Variants in RGS7 observed in about 807,000 individuals in gnomAD.
The protein encoded by RGS7 is regulator of G protein signaling 7.
A neutral mutation model predicts 81.1 loss-of-function variants in RGS7; 27 were observed. That is an observed-to-expected ratio of 0.33 (90% CI 0.25 to 0.46). The LOEUF (loss-of-function observed/expected upper bound fraction) is 0.46, where lower values mean the gene tolerates loss of function less well. RGS7 is among the 20% of genes least tolerant of loss of function. The probability of loss-of-function intolerance (pLI) is 1.00; values close to 1 mark genes in which losing one functional copy is unlikely to be tolerated. For synonymous variants in RGS7, 208 were observed against 207.7 expected, an observed-to-expected ratio of 1.00 and a Z score of -0.01; for missense variants, 396 against 607.4, an observed-to-expected ratio of 0.65 and a Z score of 3.66.
intron 9 of RGS7, among the ~76,000 whole-genome samples, chr1:240,838,680 C>T (rs1695090053): frequency 6.6e-6 from 1 of 152,090 alleles, no homozygotes; most frequent in Admixed American, 6.6e-5. Context: ...CATGCATCCT[C>T]GCATTCTTAC....
chr1:241,291,740 G>A (rs750181040), intron 2 of RGS7, among the ~76,000 whole-genome samples: 6 of 151,670 alleles, frequency 4.0e-5, no homozygotes, highest in Admixed American at 1.3e-4. Flanking sequence ...CACCACGCCC[G>A]GCTTTTTGTA....
rs919874617 is a variant in RGS7, at chr1:240,833,317, T to C, written c.610-6145A>G. 4.6e-5 allele frequency among the ~76,000 whole-genome samples: 7 copies of C among 152,228 alleles called. No homozygotes were observed. In the East Asian group the frequency reaches 1.3e-3, roughly 29 times the overall value. ...GAATGGGATAGACGAGATTTCATCA[T>C]GCTACTCAGAATGGCACGAAATTAC... On this transcript the variant is annotated intron_variant, in intron 9 of 18. Coordinates refer to ENST00000440928, the MANE Select transcript of RGS7 (RefSeq NM_001364886.1).
rs907577272 is a variant in RGS7, at chr1:240,998,840, G to A, written c.176-15711C>T. The A allele has an allele frequency of 2.9e-5, 16 of 545,334 alleles. No homozygotes were observed. The East Asian group carries it at 4.4e-4, about 15-fold the overall frequency. 33.8% of individuals were successfully genotyped at this position (545,334 alleles called of 1,614,324 possible). A position where few individuals can be genotyped will look rare whatever the true frequency, so the allele number is the denominator to read the frequency against. On this transcript the variant is annotated intron_variant, in intron 3 of 18. Transcript: ENST00000440928. ...TGGCGCTGCCGGACGCGGATGGACC[G>A]AGCACCTTGGTGGCAGCTGAGGAAA...
intron 2 of RGS7, among the ~76,000 whole-genome samples, chr1:241,223,840 C>T (rs764356149): frequency 3.3e-5 from 5 of 151,646 alleles, no homozygotes; most frequent in African/African-American, 1.2e-4. Context: ...GTATAAAACA[C>T]TGAGTATTTT....
At chr1:241,065,125 G>T (rs1465052724) in intron 3 of RGS7, among the ~76,000 whole-genome samples, 1 of 151,796 alleles carries the variant, frequency 6.6e-6, no homozygotes, top group African/African-American at 2.4e-5. Flanking sequence ...TTGTCTGTGT[G>T]AGTCTTGATT....
At chr1:241,104,536 G>A (rs574587865) in intron 2 of RGS7, among the ~76,000 whole-genome samples, 4 of 152,256 alleles carry the variant, frequency 2.6e-5, no homozygotes, top group South Asian at 2.1e-4. Context: ...AAATGAAAAC[G>A]TCTTTGCTGT....
At chr1:241,030,573 T>C (rs1406263654) in intron 3 of RGS7, among the ~76,000 whole-genome samples, 2 of 150,644 alleles carry the variant, frequency 1.3e-5, no homozygotes, top group Non-Finnish European at 3.0e-5. Context: ...ATCCCAAATC[T>C]GGAATTGCCT....
intron 9 of RGS7, among the ~76,000 whole-genome samples, chr1:240,831,864 T>C (rs551863309): frequency 1.3e-5 from 2 of 152,282 alleles, no homozygotes; most frequent in Admixed American, 6.5e-5. Flanking sequence ...CTCGAACTCC[T>C]GACCTCAGGT....
At chr1:241,132,415 AT>A (rs1290083779) in intron 2 of RGS7, 2 of 154,288 alleles carry the variant, frequency 1.3e-5, no homozygotes, top group Non-Finnish European at 2.9e-5. Flanking sequence ...GACAGGATGG[AT>A]GTGACAGACA....
intron 2 of RGS7, among the ~76,000 whole-genome samples, chr1:241,107,852 G>A (rs2065221963): frequency 6.6e-6 from 1 of 152,172 alleles, no homozygotes; most frequent in Admixed American, 6.5e-5. Context: ...GTTGGAAGGG[G>A]TGCTGGGCAG....
intron 2 of RGS7, among the ~76,000 whole-genome samples, chr1:241,344,609 A>C (rs1020876501): frequency 9.9e-5 from 15 of 152,268 alleles, no homozygotes; most frequent in African/African-American, 3.6e-4. Context: ...CTTAACAAGT[A>C]CATTTCTTGA....
chr1:240,819,782 T>C (rs528163484), intron 10 of RGS7, among the ~76,000 whole-genome samples: 1 of 152,280 alleles, frequency 6.6e-6, no homozygotes, highest in South Asian at 2.1e-4. Flanking sequence ...TAAGAGACCA[T>C]GACCCAAACC....
chr1:240,827,292 G>C, intron 9 of RGS7, 120 bp from the exon 10 acceptor site: 1 of 808,796 alleles, frequency 1.2e-6, no homozygotes, highest in Non-Finnish European at 2.2e-6. Context: ...CAAATCAAGG[G>C]AGGTGTTTTC....
chr1:240,913,528 T>C (rs1315345117), intron 6 of RGS7, among the ~76,000 whole-genome samples: 1 of 152,220 alleles, frequency 6.6e-6, no homozygotes, highest in Non-Finnish European at 1.5e-5. Flanking sequence ...ATAAATAATC[T>C]TACACAATGA....
intron 3 of RGS7, among the ~76,000 whole-genome samples, chr1:241,029,690 A>C (rs572579930): frequency 1.3e-5 from 2 of 152,338 alleles, no homozygotes; most frequent in Non-Finnish European, 2.9e-5. Flanking sequence ...GCTAAATTGA[A>C]TAATTCCGCC....
chr1:241,151,165 A>G (rs1432512634), intron 2 of RGS7, among the ~76,000 whole-genome samples: 2 of 152,156 alleles, frequency 1.3e-5, no homozygotes, highest in Admixed American at 1.3e-4. Flanking sequence ...GCCCAGAAAC[A>G]ATGTTTCACC....
intron 3 of RGS7, among the ~76,000 whole-genome samples, chr1:241,015,298 T>C (rs1244087527): frequency 1.3e-5 from 2 of 152,234 alleles, no homozygotes; most frequent in African/African-American, 4.8e-5. Context: ...CTGGGCTAAT[T>C]GTTCTGCTGT....
intron 2 of RGS7, among the ~76,000 whole-genome samples, chr1:241,310,392 T>A (rs911011975): frequency 1.3e-5 from 2 of 150,772 alleles, no homozygotes; most frequent in East Asian, 1.9e-4. Flanking sequence ...AGTGTGCGTG[T>A]GAGTGTGTTT....
At chr1:241,324,686 C>T (rs2081396212) in intron 2 of RGS7, among the ~76,000 whole-genome samples, 1 of 152,170 alleles carries the variant, frequency 6.6e-6, no homozygotes, top group Non-Finnish European at 1.5e-5. Flanking sequence ...CAATTCATCC[C>T]CTACTCATCC....
Sources: gnomAD v4.1 joint callset for allele counts (sites outside exome capture counted in the v4.1 genomes callset) on GRCh38, gnomAD v4.1.1 for gene constraint, MANE v1.5 for transcripts, NCBI Gene and HGNC (gene_info 2026-07-23, HGNC 2026-07-21) for gene names.